Variants in PHTF1 observed in about 807,000 individuals in gnomAD.
PHTF1 encodes putative homeodomain transcription factor 1.
Under a neutral mutation model 102.4 loss-of-function variants are expected in PHTF1, and 88 were observed. The observed-to-expected ratio is 0.86, with a 90% CI of 0.72 to 1.03. The LOEUF (loss-of-function observed/expected upper bound fraction) is 1.03. Ranked by LOEUF, PHTF1 falls within the 50% of genes least tolerant of loss-of-function variation. The pLI is 0.00. For synonymous variants in PHTF1, 289 were observed against 305.2 expected (o/e 0.95, Z 0.55); for missense variants, 814 against 909.5 (o/e 0.89, Z 1.35).
chr1:113,708,897 A>G (rs960234822), intron 11 of PHTF1, among the ~76,000 whole-genome samples: 1 of 152,196 alleles, frequency 6.6e-6, no homozygotes, highest in East Asian at 1.9e-4. Flanking sequence ...TGTAATTTAG[A>G]TGAATCTTCA....
chr1:113,703,555 C>T (rs898683789), intron 15 of PHTF1, among the ~76,000 whole-genome samples: 1 of 151,820 alleles, frequency 6.6e-6, no homozygotes, highest in Non-Finnish European at 1.5e-5. Flanking sequence ...GAGATGGGTC[C>T]TCATTATGTT....
chr1:113,753,541 C>A (rs1275864067), intron 3 of PHTF1, among the ~76,000 whole-genome samples: 11 of 152,124 alleles, frequency 7.2e-5, no homozygotes, highest in African/African-American at 2.7e-4. Flanking sequence ...GATTCTCCTG[C>A]CTCAGCCCCC....
At chr1:113,715,682 C>CAAAAAAAAAAAAA (rs1553226392) in intron 7 of PHTF1, among the ~76,000 whole-genome samples, 1 of 54,200 alleles carries the variant, frequency 1.8e-5, no homozygotes, top group Non-Finnish European at 4.3e-5. Flanking sequence ...AAAAAAAAAG[C>CAAAAAAAAAAAAA]TATTTTGAGG....
chr1:113,732,802 A>T (rs1220392375), intron 5 of PHTF1, among the ~76,000 whole-genome samples: 1 of 152,198 alleles, frequency 6.6e-6, no homozygotes, highest in Non-Finnish European at 1.5e-5. Context: ...TGTGTGGAAA[A>T]AATACTTAAT....
At chr1:113,727,093 T>C (rs919563035) in intron 5 of PHTF1, among the ~76,000 whole-genome samples, 1 of 152,050 alleles carries the variant, frequency 6.6e-6, no homozygotes, top group African/African-American at 2.4e-5. Flanking sequence ...ATAAAATGTT[T>C]AAAGAAGTAA....
chr1:113,710,812 T>TATATATATA (rs67769017), intron 10 of PHTF1, among the ~76,000 whole-genome samples: 8 of 59,444 alleles, frequency 1.3e-4, no homozygotes, highest in African/African-American at 3.2e-4. Flanking sequence ...ATATATATAT[T>TATATATATA]TTTTTTTTTT....
At chr1:113,711,857 A>T in intron 9 of PHTF1, 22 bp from the exon 10 acceptor site, 1 of 1,608,562 alleles carries the variant, frequency 6.2e-7, no homozygotes, top group Non-Finnish European at 8.5e-7. Flanking sequence ...CAAACCAACA[A>T]GCAATAGGAA....
chr1:113,720,615 C>G (rs1464126653), intron 7 of PHTF1, among the ~76,000 whole-genome samples: 1 of 152,204 alleles, frequency 6.6e-6, no homozygotes, highest in Non-Finnish European at 1.5e-5. Context: ...CAGCCTCCCT[C>G]CTGGCTGCTT....
At chr1:113,751,246 A>T (rs577916580) in intron 3 of PHTF1, among the ~76,000 whole-genome samples, 1 of 152,338 alleles carries the variant, frequency 6.6e-6, no homozygotes, top group Non-Finnish European at 1.5e-5. Context: ...TATAATTTAC[A>T]TACTATTAAA....
chr1:113,738,056 T>G (rs1571211660), intron 5 of PHTF1, 54 bp downstream of exon 5: 1 of 1,275,558 alleles, frequency 7.8e-7, no homozygotes, highest in East Asian at 2.3e-5. Context: ...CATTATTTAA[T>G]AGCAAAAGCA....
intron 5 of PHTF1, among the ~76,000 whole-genome samples, chr1:113,729,902 TG>T (rs1557944395): frequency 1.3e-5 from 2 of 152,324 alleles, no homozygotes; most frequent in South Asian, 4.1e-4. Flanking sequence ...GGAGCTTCCC[TG>T]GGTGGCAATA....
At chr1:113,740,219 G>C (rs972108270) in intron 3 of PHTF1, among the ~76,000 whole-genome samples, 5 of 151,968 alleles carry the variant, frequency 3.3e-5, no homozygotes, top group Non-Finnish European at 7.4e-5. Context: ...CCCTTTCTCT[G>C]CATCCTTGCC....
chr1:113,752,530 A>AGCTGGGACTACGGGC (rs71090730), intron 3 of PHTF1, among the ~76,000 whole-genome samples: 1 of 149,206 alleles, frequency 6.7e-6, no homozygotes, highest in Non-Finnish European at 1.5e-5. Context: ...CCTCCCCAGT[A>AGCTGGGACTACGGGC]GCCTGCAACC....
In PHTF1 at chr1:113,732,264, G is replaced by A. The variant is rs150358403; in HGVS notation, c.332-5690C>T. On this transcript the variant is annotated intron_variant, in intron 5 of 18. Coordinates refer to ENST00000369604, the MANE Select transcript of PHTF1 (RefSeq NM_001323043.2). The stretch of plus-strand genomic sequence containing the variant: ...TGTAATCCCAGCACTTTGGGAGGCC[G>A]AGGCAGGTGGATCACGAGGTCAGGA... Among the ~76,000 whole-genome samples the A allele has an allele frequency of 9.3e-4, 141 of 152,322 alleles. 1 individual carries two copies. The highest frequency in any genetic ancestry group is 2.8e-3 in the African/African-American group (118 of 41,568).
At chr1:113,721,363 T>C (rs1652908222) in intron 7 of PHTF1, among the ~76,000 whole-genome samples, 1 of 151,992 alleles carries the variant, frequency 6.6e-6, no homozygotes, top group South Asian at 2.1e-4. Flanking sequence ...CTCAAAACAA[T>C]AAAAGTCAAG....
At chr1:113,726,719 A>G (rs1481478216) in intron 5 of PHTF1, 145 bp from the exon 6 acceptor site, 3 of 554,916 alleles carry the variant, frequency 5.4e-6, no homozygotes, top group Middle Eastern at 4.7e-4. Context: ...ATCCAGATGC[A>G]CATTAGCCAA....
At chr1:113,710,502 A>AT (rs1281227282) in intron 10 of PHTF1, 27 bp from the exon 11 acceptor site, 2 of 1,516,864 alleles carry the variant, frequency 1.3e-6, no homozygotes, top group Non-Finnish European at 1.8e-6. Flanking sequence ...AAAGCAAAAA[A>AT]TGTTATTCAT....
Position 113,700,940 on chromosome 1 carries a change from C to G in PHTF1, c.1900G>C (p.Gly634Arg), listed in dbSNP as rs1649370756. 2.5e-6 allele frequency: 4 copies of G among 1,605,934 alleles called. No individual in the cohort carries two copies. Among genetic ancestry groups the G allele is most frequent in the Non-Finnish European group, 3.4e-6 (4 of 1,177,392 alleles). The change falls in exon 16 of 19, where the codon GGA becomes CGA. Residue 634 changes from glycine (G) to arginine (R), a missense_variant. Coordinates refer to ENST00000369604, the MANE Select transcript of PHTF1 (RefSeq NM_001323043.2). ...AFICCAQVLQ[G>R]HKTFLNDAYN... is the part of the protein sequence containing the mutation. ...GCATCATTCAGGAAAGTTTTATGTCCTTGGAGAACCTATACAAAGGATCAA... is the reference window on the plus strand; with the variant it reads ...GCATCATTCAGGAAAGTTTTATGTCGTTGGAGAACCTATACAAAGGATCAA...
chr1:113,699,864 T>G, intron 16 of PHTF1, 65 bp from the exon 17 acceptor site: 1 of 731,390 alleles, frequency 1.4e-6, no homozygotes, highest in Non-Finnish European at 2.3e-6. Context: ...GCATAAAATC[T>G]GGCATATTTC....
Sources: gnomAD v4.1 joint callset for allele counts (sites outside exome capture counted in the v4.1 genomes callset) on GRCh38, gnomAD v4.1.1 for gene constraint, MANE v1.5 for transcripts, NCBI Gene and HGNC (gene_info 2026-07-23, HGNC 2026-07-21) for gene names.